FAM13A: variants seen among roughly 807,000 people sequenced by gnomAD.
The protein encoded by FAM13A is family with sequence similarity 13 member A, also known as protein FAM13A.
A neutral mutation model predicts 129.6 loss-of-function variants in FAM13A; 76 were observed. The observed-to-expected ratio is 0.59, with a 90% CI of 0.49 to 0.71. The LOEUF is 0.71. FAM13A is among the 30% of genes least tolerant of loss of function. FAM13A has a pLI of 0.00. For missense variants in FAM13A, 1,108 were observed against 1,249.3 expected (o/e 0.89, Z 1.70); for synonymous variants, 443 against 449.9 (o/e 0.98, Z 0.20).
chr4:88,839,149 C>T (rs1735372031), intron 7 of FAM13A, among the ~76,000 whole-genome samples: 1 of 152,028 alleles, frequency 6.6e-6, no homozygotes, highest in Non-Finnish European at 1.5e-5. Flanking sequence ...TTTTTTAACT[C>T]TACACTTAGA....
At chr4:89,012,207 T>C (rs1427833227) in intron 3 of FAM13A, among the ~76,000 whole-genome samples, 4 of 152,146 alleles carry the variant, frequency 2.6e-5, no homozygotes, top group Non-Finnish European at 4.4e-5. Flanking sequence ...AAAACACACA[T>C]GAGATTACAA....
At chr4:88,788,733 C>G (rs1394391745) in intron 9 of FAM13A, among the ~76,000 whole-genome samples, 1 of 152,108 alleles carries the variant, frequency 6.6e-6, no homozygotes, top group Non-Finnish European at 1.5e-5. Context: ...GTATGGAAAG[C>G]TCTTAACTCA....
chr4:88,763,376 T>C (rs540089986), intron 13 of FAM13A, among the ~76,000 whole-genome samples: 1 of 152,268 alleles, frequency 6.6e-6, no homozygotes, highest in African/African-American at 2.4e-5. Flanking sequence ...GTAAGCAAGA[T>C]AAGGGATTTG....
chr4:88,738,687 T>C (rs1739516667), intron 20 of FAM13A, among the ~76,000 whole-genome samples: 1 of 152,140 alleles, frequency 6.6e-6, no homozygotes, highest in Admixed American at 6.5e-5. Context: ...CGGCACTCTT[T>C]GGAGTGAAGA....
intron 6 of FAM13A, among the ~76,000 whole-genome samples, chr4:88,904,269 A>G (rs1747782789): frequency 6.6e-6 from 1 of 152,200 alleles, no homozygotes; most frequent in Non-Finnish European, 1.5e-5. Flanking sequence ...ATTACTGGGT[A>G]TATGTCCAAA....
chr4:89,022,846 T>C (rs1459979755), intron 2 of FAM13A, among the ~76,000 whole-genome samples: 1 of 152,114 alleles, frequency 6.6e-6, no homozygotes, highest in African/African-American at 2.4e-5. Flanking sequence ...CAACGACCAG[T>C]GAATAACTGA....
At position 88,728,336 on chromosome 4, in the gene FAM13A, A is replaced by G; in HGVS notation, c.*197T>C. ...TGACTTTCCAATTACAAAATGCCTAAGTCAGGTCACATTGTCTTCTTCCAG... is the reference window on the plus strand; with the variant it reads ...TGACTTTCCAATTACAAAATGCCTAGGTCAGGTCACATTGTCTTCTTCCAG... On this transcript the variant is annotated 3_prime_UTR_variant, in exon 24 of 24. Transcript: ENST00000264344. 1 of 638,082 alleles carries G rather than the reference A, an allele frequency of 1.6e-6. No individual in the cohort carries two copies. 39.5% of individuals were successfully genotyped at this position (638,082 alleles called of 1,614,324 possible).
intron 5 of FAM13A, among the ~76,000 whole-genome samples, chr4:88,926,095 G>A (rs1561357202): frequency 6.6e-6 from 1 of 152,084 alleles, no homozygotes; most frequent in Non-Finnish European, 1.5e-5. Context: ...CTCCCACAGT[G>A]GTTCTGAAGC....
At chr4:89,004,836 CT>C (rs1764786265) in intron 3 of FAM13A, among the ~76,000 whole-genome samples, 1 of 152,064 alleles carries the variant, frequency 6.6e-6, no homozygotes, top group African/African-American at 2.4e-5. Flanking sequence ...TTCCATCCCC[CT>C]AATGATTTTA....
chr4:88,995,909 C>T (rs2904262), intron 3 of FAM13A, among the ~76,000 whole-genome samples: 75,339 of 152,038 alleles, frequency 0.5, 18,701 homozygotes, highest in Middle Eastern at 0.58. Context: ...AACATACATG[C>T]TATGAAGAAA....
intron 1 of FAM13A, among the ~76,000 whole-genome samples, chr4:89,044,679 C>A (rs151259833): frequency 6.6e-6 from 1 of 151,978 alleles, no homozygotes; most frequent in East Asian, 1.9e-4. Flanking sequence ...TAAATTGTTT[C>A]GCAACAGATG....
At chr4:88,850,401 A>G (rs901826868) in intron 7 of FAM13A, among the ~76,000 whole-genome samples, 5 of 151,738 alleles carry the variant, frequency 3.3e-5, no homozygotes, top group African/African-American at 1.2e-4. Context: ...CTAAAAATAC[A>G]AAAAAATTAG....
At chr4:88,937,992 G>A (rs753646328) in intron 5 of FAM13A, 96 bp downstream of exon 5, 5 of 864,458 alleles carry the variant, frequency 5.8e-6, no homozygotes, top group Non-Finnish European at 9.5e-6. Flanking sequence ...ATAATCTGAG[G>A]GTTATATCCA....
chr4:88,753,137 A>G (rs934174689), intron 14 of FAM13A, among the ~76,000 whole-genome samples: 1 of 152,228 alleles, frequency 6.6e-6, no homozygotes. Context: ...CTAGCAGAAT[A>G]TCTCCTTAAA....
intron 7 of FAM13A, among the ~76,000 whole-genome samples, chr4:88,815,981 T>G (rs1456046746): frequency 2.1e-5 from 3 of 145,088 alleles, no homozygotes; most frequent in Admixed American, 2.0e-4. Context: ...TCCAAGTTCT[T>G]TTTCTAAAAA....
At chr4:88,761,648 G>A (rs2149519588) in intron 13 of FAM13A, among the ~76,000 whole-genome samples, 1 of 152,236 alleles carries the variant, frequency 6.6e-6, no homozygotes, top group Non-Finnish European at 1.5e-5. Context: ...CCAGCCCTTA[G>A]GACAGGAAGG....
intron 2 of FAM13A, 96 bp downstream of exon 2, chr4:89,029,364 G>A: frequency 2.0e-6 from 2 of 990,476 alleles, no homozygotes; most frequent in Non-Finnish European, 3.1e-6. Flanking sequence ...TGCTTTAGAG[G>A]ATAGCCTAAT....
intron 3 of FAM13A, among the ~76,000 whole-genome samples, chr4:88,999,807 G>A (rs533566345): frequency 5.3e-5 from 8 of 152,126 alleles, no homozygotes; most frequent in Admixed American, 1.3e-4. Context: ...TTCAAAACAC[G>A]GCTTGACAGA....
intron 4 of FAM13A, among the ~76,000 whole-genome samples, chr4:88,964,764 A>C (rs1327961834): frequency 6.6e-6 from 1 of 151,714 alleles, no homozygotes. Context: ...AGTAGCTAAG[A>C]TCACAGGCAC....
Sources: allele counts gnomAD v4.1 joint callset (sites outside exome capture counted in the v4.1 genomes callset), GRCh38; gene constraint gnomAD v4.1.1; transcripts MANE v1.5; gene names NCBI Gene and HGNC (gene_info 2026-07-23, HGNC 2026-07-21).